Variants in EPHA7 observed in about 807,000 individuals in gnomAD.
EPHA7 encodes EPH receptor A7.
EPHA7 carries 25 observed loss-of-function variants against 112.6 expected under a neutral mutation model. The ratio of observed to expected loss-of-function variants is 0.22; its 90% CI spans 0.16 to 0.31. EPHA7 has a LOEUF of 0.31. EPHA7 is among the 10% of genes least tolerant of loss of function. The pLI, the probability that EPHA7 is intolerant of heterozygous loss-of-function variation, is 1.00. For missense variants in EPHA7, 962 were observed against 1,212.6 expected (o/e 0.79, Z 3.07); for synonymous variants, 437 against 406.5 (o/e 1.07, Z -0.90).
chr6:93,244,922 C>T (rs548898252), intron 16 of EPHA7, among the ~76,000 whole-genome samples: 2 of 152,250 alleles, frequency 1.3e-5, no homozygotes, highest in African/African-American at 4.8e-5. Flanking sequence ...CTAAATAATA[C>T]AGAAGTTAAC....
chr6:93,273,443 C>T (rs929375475), intron 5 of EPHA7, among the ~76,000 whole-genome samples: 2 of 151,866 alleles, frequency 1.3e-5, no homozygotes, highest in Non-Finnish European at 2.9e-5. Flanking sequence ...GGGACCAAGC[C>T]GTTTAAGCAA....
At position 93,243,176 on chromosome 6, in the gene EPHA7, GT is replaced by G; in HGVS notation, c.*249del. ...GTTAGAGAGCTCAAGGTGTTTGGAT[GT>G]TTTTCAGGTAGTACTTTGTTTATTG... is the stretch of plus-strand genomic sequence containing the variant. On this transcript the variant is annotated 3_prime_UTR_variant, in exon 17 of 17. Coordinates refer to ENST00000369303, the MANE Select transcript of EPHA7 (RefSeq NM_004440.4). The G allele has an allele frequency of 2.9e-6, 1 of 344,806 alleles. No homozygotes were observed. The highest frequency in any genetic ancestry group is 5.2e-6 in the Non-Finnish European group (1 of 190,962). 21.4% of individuals were successfully genotyped at this position (344,806 alleles called of 1,614,324 possible). A position where few individuals can be genotyped will look rare whatever the true frequency, so the allele number is the denominator to read the frequency against.
intron 4 of EPHA7, 41 bp from the exon 5 acceptor site, chr6:93,357,093 GA>G (rs200823814): frequency 6.5e-5 from 92 of 1,422,002 alleles, no homozygotes; most frequent in Middle Eastern, 1.8e-4. Context: ...AGCAAAAATA[GA>G]AAAAAAAACA....
At position 93,414,707 on chromosome 6, in the gene EPHA7, T is replaced by C. The variant is rs1779140428; in HGVS notation, c.158A>G (p.Asn53Ser). The C allele has an allele frequency of 8.1e-6, 13 of 1,611,872 alleles. No individual in the cohort carries two copies. In the East Asian group the frequency reaches 2.7e-4, roughly 33 times the overall value. Residue 53 changes from asparagine to serine, a missense_variant, in exon 2 of 17, where the codon AAT (asparagine) becomes AGT (serine). Physicochemically the swap from Asn to Ser is conservative, Grantham distance 46. Transcript: ENST00000369303. Reference sequence around the variant, plus strand: ...TTTATGATGAAAAAAACTTACCCCATTGGGTGGAGAGGAAATCCACTCCAA... The same window carrying C: ...TTTATGATGAAAAAAACTTACCCCACTGGGTGGAGAGGAAATCCACTCCAA... Reference protein sequence around the residue: ...TELEWISSPPNGWEEISGLDE... With the variant: ...TELEWISSPPSGWEEISGLDE...
rs572772407 is a variant in EPHA7 at position 93,415,978 on chromosome 6, A to C, written c.98-1211T>G. ...GTGTTTAATTCCTTCACACTAGTCA[A>C]AGTTACTCACTGTAAATGAAAATAG... On this transcript the variant is annotated intron_variant, in intron 1 of 16. Transcript: ENST00000369303. Among the ~76,000 whole-genome samples the C allele has an allele frequency of 3.3e-5, 5 of 152,302 alleles. No individual in the cohort carries two copies. The East Asian group carries it at 9.7e-4, about 29-fold the overall frequency.
Position 93,241,951 on chromosome 6 carries a change from G to A in EPHA7, c.*1475C>T, listed in dbSNP as rs1417999627. The A allele has an allele frequency of 4.7e-6, 1 of 214,946 alleles. No individual in the cohort carries two copies. The highest frequency in any genetic ancestry group is 1.9e-4 in the South Asian group (1 of 5,358). 13.3% of individuals were successfully genotyped at this position (214,946 alleles called of 1,614,324 possible). A position where few individuals can be genotyped will look rare whatever the true frequency, so the allele number is the denominator to read the frequency against. Reference sequence around the variant, plus strand: ...AAGACCAATTATGACCGATCCCTGGGATCTTTCTCTATTAAAATCATTATA... The same window carrying A: ...AAGACCAATTATGACCGATCCCTGGAATCTTTCTCTATTAAAATCATTATA... On this transcript the variant is annotated 3_prime_UTR_variant, in exon 17 of 17. Transcript: ENST00000369303.
chr6:93,336,030 T>G (rs1774851779), intron 5 of EPHA7, among the ~76,000 whole-genome samples: 1 of 152,138 alleles, frequency 6.6e-6, no homozygotes, highest in Admixed American at 6.6e-5. Flanking sequence ...TGGATAATGT[T>G]TCATTATAAT....
chr6:93,414,781 T>C lies in EPHA7; in HGVS notation c.98-14A>G. The stretch of plus-strand genomic sequence containing the variant: ...CCAGCAGTAGTACTGAAAAAGAAAG[T>C]TGTATTTCCATATGTTACATGAAAC... On this transcript the variant is annotated splice_polypyrimidine_tract_variant and intron_variant, in intron 1 of 16. Transcript: ENST00000369303. The C allele has an allele frequency of 1.2e-6, 2 of 1,609,886 alleles. No individual in the cohort carries two copies. The highest frequency in any genetic ancestry group is 1.7e-6 in the Non-Finnish European group (2 of 1,177,364).
At chr6:93,305,457 C>T (rs995948990) in intron 5 of EPHA7, among the ~76,000 whole-genome samples, 4 of 152,016 alleles carry the variant, frequency 2.6e-5, no homozygotes, top group Admixed American at 2.6e-4. Context: ...TCCTACATTT[C>T]CTCTATAAAC....
At position 93,386,851 on chromosome 6, in the gene EPHA7, GC is replaced by G. The variant is rs143777915; in HGVS notation, c.832+23649del. 7.6e-3 allele frequency among the ~76,000 whole-genome samples: 1,153 copies of G among 152,174 alleles called. 24 individuals carry two copies. The highest frequency in any genetic ancestry group is 0.054 in the East Asian group (278 of 5,154). Reference sequence around the variant, plus strand: ...AAGCTATGGTCTGAGCTGTACCTTGGCCCCTTTTAGCCACAGATGGAAGGGC... The same window carrying G: ...AAGCTATGGTCTGAGCTGTACCTTGGCCCTTTTAGCCACAGATGGAAGGGC... On this transcript the variant is annotated intron_variant, in intron 3 of 16. Coordinates refer to ENST00000369303, the MANE Select transcript of EPHA7 (RefSeq NM_004440.4).
intron 4 of EPHA7, 66 bp downstream of exon 4, chr6:93,358,190 G>T: frequency 8.5e-7 from 1 of 1,183,428 alleles, no homozygotes; most frequent in Non-Finnish European, 1.1e-6. Context: ...CTATTTCATT[G>T]ATGTCACAAC....
At chr6:93,362,917 C>T (rs931877921) in intron 3 of EPHA7, among the ~76,000 whole-genome samples, 3 of 152,144 alleles carry the variant, frequency 2.0e-5, no homozygotes, top group African/African-American at 4.8e-5. Context: ...CCCCTTCCGA[C>T]AATCTTGTTG....
In EPHA7 at chr6:93,350,867, C is replaced by T. The variant is rs115862815; in HGVS notation, c.1324+5850G>A. ...CTGTTCAAAAACACTCCGGTTTCCCCGCTGTCTATCAGAAAAGATTCTTTT... is the reference window on the plus strand; with the variant it reads ...CTGTTCAAAAACACTCCGGTTTCCCTGCTGTCTATCAGAAAAGATTCTTTT... On this transcript the variant is annotated intron_variant, in intron 5 of 16. Coordinates refer to ENST00000369303, the MANE Select transcript of EPHA7 (RefSeq NM_004440.4). Among the ~76,000 whole-genome samples the T allele has an allele frequency of 2.6e-5, 4 of 152,080 alleles. No individual in the cohort carries two copies. In the South Asian group the frequency reaches 6.2e-4, roughly 24 times the overall value.
intron 9 of EPHA7, 36 bp from the exon 10 acceptor site, chr6:93,259,515 C>A: frequency 1.2e-6 from 2 of 1,607,298 alleles, no homozygotes; most frequent in Non-Finnish European, 1.7e-6. Flanking sequence ...TGTGATGAAG[C>A]AAAGCACTTA....
intron 5 of EPHA7, among the ~76,000 whole-genome samples, chr6:93,318,892 A>G (rs903529395): frequency 1.3e-5 from 2 of 152,104 alleles, no homozygotes; most frequent in African/African-American, 4.8e-5. Flanking sequence ...AATACAATGA[A>G]TTTTTCTGGC....
rs146742012 is a variant in EPHA7, at chr6:93,419,298, T to C, written c.44A>G (p.Tyr15Cys). 3.7e-6 allele frequency: 6 copies of C among 1,614,038 alleles called. No homozygotes were observed. The African/African-American group carries it at 6.7e-5, about 18-fold the overall frequency. Reference protein sequence around the residue: ...TRYPSWIILCYIWLLRFAHTG... With the variant: ...TRYPSWIILCCIWLLRFAHTG... ...GTGTGCAAAGCGGAGCAGCCAGATG[T>C]AGCATAAAATAATCCATGAAGGGTA... Residue 15 changes from tyrosine to cysteine, a missense_variant, in exon 1 of 17, where the codon TAC becomes TGC. Tyr to Cys is a radical substitution (Grantham distance 194, BLOSUM62 -2). Transcript: ENST00000369303.
At chr6:93,336,886 A>AT in intron 5 of EPHA7, among the ~76,000 whole-genome samples, 1 of 123,878 alleles carries the variant, frequency 8.1e-6, no homozygotes, top group African/African-American at 3.3e-5. Flanking sequence ...ACAAAGTATT[A>AT]TTTTTGTAAA....
chr6:93,385,923 G>A (rs973938205), intron 3 of EPHA7, among the ~76,000 whole-genome samples: 8 of 152,138 alleles, frequency 5.3e-5, no homozygotes, highest in Non-Finnish European at 1.0e-4. Flanking sequence ...GGAGAGAGAA[G>A]TGCAGAGTGG....
Position 93,242,253 on chromosome 6 carries a change from C to G in EPHA7, c.*1173G>C, listed in dbSNP as rs1011284914. ...TGCATCAGTGTTCACAAACAAAAGA[C>G]TTTTTGTTTTGTTTTGTTTTGAACT... On this transcript the variant is annotated 3_prime_UTR_variant, in exon 17 of 17. Coordinates refer to ENST00000369303, the MANE Select transcript of EPHA7 (RefSeq NM_004440.4). 5.0e-6 allele frequency: 1 copy of G among 199,976 alleles called. No individual in the cohort carries two copies. The highest frequency in any genetic ancestry group is 1.0e-5 in the Non-Finnish European group (1 of 96,658). The allele number at this position is 199,976 out of a possible 1,614,324, so 12.4% of individuals were successfully genotyped here. A position where few individuals can be genotyped will look rare whatever the true frequency, so the allele number is the denominator to read the frequency against.
Sources: allele counts gnomAD v4.1 joint callset (sites outside exome capture counted in the v4.1 genomes callset), GRCh38; gene constraint gnomAD v4.1.1; transcripts MANE v1.5; gene names NCBI Gene and HGNC (gene_info 2026-07-23, HGNC 2026-07-21).